SHC2: variants seen among roughly 807,000 people sequenced by gnomAD.
SHC2 encodes the protein SHC adaptor protein 2.
In SHC2, 62 loss-of-function variants were observed where a neutral mutation model predicts 60.6. The observed-to-expected ratio is 1.02, with a 90% CI of 0.83 to 1.26. The LOEUF is 1.26. Ranked by LOEUF, SHC2 falls within the 50% of genes most tolerant of loss-of-function variation. The pLI, the probability that SHC2 is intolerant of heterozygous loss-of-function variation, is 0.00. For synonymous variants in SHC2, 375 were observed against 372.4 expected, an observed-to-expected ratio of 1.01 and a Z score of -0.08; for missense variants, 873 against 822.2, an observed-to-expected ratio of 1.06 and a Z score of -0.76.
chr19:439,018 GT>G lies in SHC2; in HGVS notation c.551del (p.Asn184ThrfsTer37). ...CGCCAGGCACGGCCTCATGGAGCCG[GT>G]TGATGGCTTCCCTGGGGTTGGGAGG... Reference protein sequence around the residue: ...TRTQVTREAINRLHEAVPGVR... With the variant: ...TRTQVTREAIXRLHEAVPGVR... On this transcript the variant is annotated frameshift_variant, in exon 3 of 13. Transcript: ENST00000264554. LOFTEE classifies it high-confidence loss of function. 1 of 1,565,168 alleles carries G rather than the reference GT, an allele frequency of 6.4e-7. No homozygotes were observed. The highest frequency in any genetic ancestry group is 8.7e-7 in the Non-Finnish European group (1 of 1,153,006).
chr19:427,245 C>G (rs1974438674), intron 9 of SHC2, among the ~76,000 whole-genome samples: 1 of 152,210 alleles, frequency 6.6e-6, no homozygotes, highest in African/African-American at 2.4e-5. Flanking sequence ...CAGCCGCAGG[C>G]GGGGCTGGTG....
rs543161521 is a variant in SHC2, at chr19:453,707, G to A, written c.468+6822C>T. 1.3e-5 allele frequency among the ~76,000 whole-genome samples: 2 copies of A among 152,180 alleles called. No homozygotes were observed. The highest frequency in any genetic ancestry group is 6.5e-5 in the Admixed American group (1 of 15,276). On this transcript the variant is annotated intron_variant, in intron 1 of 12. Transcript: ENST00000264554. The surrounding 1 kb of genome is among the most constrained non-coding windows in gnomAD (Gnocchi z 6.3). ...CTCCAGCACCCTCTCACAACTCCCC[G>A]CACCTCCCAGCTTAAGGGACCCGCG...
At chr19:418,358 C>T (rs1056141942) in intron 12 of SHC2, among the ~76,000 whole-genome samples, 2 of 152,250 alleles carry the variant, frequency 1.3e-5, no homozygotes, top group Non-Finnish European at 2.9e-5. Flanking sequence ...CATGGCTGCA[C>T]GCTGCCACCC....
At chr19:419,110 A>G in intron 11 of SHC2, 54 bp from the exon 12 acceptor site, 1 of 1,521,752 alleles carries the variant, frequency 6.6e-7, no homozygotes, top group Non-Finnish European at 8.9e-7. Flanking sequence ...GGACCCGTGG[A>G]GTAGGATATT....
At chr19:420,178 A>G (rs1395569721) in intron 11 of SHC2, among the ~76,000 whole-genome samples, 1 of 152,236 alleles carries the variant, frequency 6.6e-6, no homozygotes, top group Non-Finnish European at 1.5e-5. Context: ...GAACTGAGGT[A>G]TCACACACCA....
At chr19:443,054 GGTGGATGA>G (rs199639627) in intron 1 of SHC2, among the ~76,000 whole-genome samples, 1 of 147,520 alleles carries the variant, frequency 6.8e-6, no homozygotes, top group African/African-American at 2.5e-5. Context: ...TGGACGGGTG[GGTGGATGA>G]GTGGATGGGT....
Position 438,902 on chromosome 19 carries a change from T to TGGCC in SHC2, c.600+64_601-66dup. 1 of 1,553,286 alleles carries TGGCC rather than the reference T, an allele frequency of 6.4e-7. No individual in the cohort carries two copies. The highest frequency in any genetic ancestry group is 2.4e-5 in the East Asian group (1 of 41,422). On this transcript the variant is annotated intron_variant, in intron 3 of 12. Coordinates refer to ENST00000264554, the MANE Select transcript of SHC2 (RefSeq NM_012435.3). This position sits in a 1 kb window ranked among gnomAD's most constrained non-coding sequence, Gnocchi z 5.0. ...GGGGGCTGTCGAGGGGCTCCCAGGA[T>TGGCC]GGCCGCAGCGTCCCCACAGCCCCCG...
intron 4 of SHC2, 102 bp from the exon 5 acceptor site, chr19:436,785 G>A: frequency 8.8e-7 from 1 of 1,135,248 alleles, no homozygotes; most frequent in Non-Finnish European, 1.3e-6. Flanking sequence ...GCAGGGGCAG[G>A]GATGTGGGGA....
chr19:418,915 C>T lies in SHC2; in HGVS notation c.*5+8G>A, dbSNP rs371683432. ...CAAGGCCAGCGACCCACGGCGGCAGCCACACACCTGGCTCAGGGCTCCCGT... is the reference window on the plus strand; with the variant it reads ...CAAGGCCAGCGACCCACGGCGGCAGTCACACACCTGGCTCAGGGCTCCCGT... On this transcript the variant is annotated splice_region_variant and intron_variant, in intron 12 of 12. Transcript: ENST00000264554. 6.3e-7 allele frequency: 1 copy of T among 1,580,630 alleles called. No individual in the cohort carries two copies.
intron 9 of SHC2, among the ~76,000 whole-genome samples, chr19:428,425 G>T (rs938322506): frequency 6.6e-6 from 1 of 152,338 alleles, no homozygotes; most frequent in South Asian, 2.1e-4. Flanking sequence ...GGACCAGGGC[G>T]TGAGTGGAAT....
chr19:438,705 AG>A lies in SHC2; in HGVS notation c.720+12del. ...GGGGGTCTGGGGACGCCAGGCGAAGAGGGCAGACCCACCTGGCGCGTGGCAG... is the reference window on the plus strand; with the variant it reads ...GGGGGTCTGGGGACGCCAGGCGAAGAGGCAGACCCACCTGGCGCGTGGCAG... On this transcript the variant is annotated intron_variant, in intron 4 of 12. Transcript: ENST00000264554. The surrounding 1 kb of genome is among the most constrained non-coding windows in gnomAD (Gnocchi z 5.0). The A allele has an allele frequency of 6.5e-7, 1 of 1,548,858 alleles. No homozygotes were observed. Among genetic ancestry groups the A allele is most frequent in the Non-Finnish European group, 8.7e-7 (1 of 1,147,062 alleles).
chr19:460,563 C>G lies in SHC2; in HGVS notation c.434G>C (p.Arg145Thr). 1 of 1,417,342 alleles carries G rather than the reference C, an allele frequency of 7.1e-7. No homozygotes were observed. Among genetic ancestry groups the G allele is most frequent in the Non-Finnish European group, 9.3e-7 (1 of 1,080,006 alleles). The allele number at this position is 1,417,342 out of a possible 1,614,324, so 87.8% of individuals were successfully genotyped here. The part of the protein sequence containing the change: ...PAHGWLHPDA[R>T]VLGPGVSYVV... ...GTAGGAGACCCCGGGCCCCAGGACCCTGGCGTCGGGGTGTAGCCAGCCGTG... is the reference window on the plus strand; with the variant it reads ...GTAGGAGACCCCGGGCCCCAGGACCGTGGCGTCGGGGTGTAGCCAGCCGTG... Residue 145 changes from arginine (R) to threonine (T), a missense_variant, in exon 1 of 13, where the codon AGG (arginine) becomes ACG (threonine). By Grantham distance (71) the Arg-to-Thr change is moderately conservative (BLOSUM62 -1). Coordinates refer to ENST00000264554, the MANE Select transcript of SHC2 (RefSeq NM_012435.3).
intron 9 of SHC2, among the ~76,000 whole-genome samples, chr19:426,889 C>T (rs1158918969): frequency 6.6e-6 from 1 of 151,786 alleles, no homozygotes; most frequent in Non-Finnish European, 1.5e-5. Flanking sequence ...CAGTGCGAGA[C>T]GCAGGCGGGT....
chr19:443,810 GTGGA>G (rs1974979150), intron 1 of SHC2, among the ~76,000 whole-genome samples: 1 of 127,690 alleles, frequency 7.8e-6, no homozygotes, highest in South Asian at 3.0e-4. Flanking sequence ...GGATGAATAG[GTGGA>G]TGGATGGGTG....
intron 1 of SHC2, among the ~76,000 whole-genome samples, chr19:448,069 C>T (rs574621683): frequency 3.3e-5 from 5 of 152,322 alleles, no homozygotes; most frequent in South Asian, 2.1e-4. Flanking sequence ...GAAACGTGCA[C>T]GGCCTGGCCT....
Position 438,140 on chromosome 19 carries a change from C to T in SHC2, c.720+578G>A, listed in dbSNP as rs1050514897. 6.6e-6 allele frequency among the ~76,000 whole-genome samples: 1 copy of T among 152,096 alleles called. No individual in the cohort carries two copies. The highest frequency in any genetic ancestry group is 2.4e-5 in the African/African-American group (1 of 41,406). ...CTGGGATTACAGGCGCCCACCACCACACCCGGCTAATCTTTGTATTTTTTG... is the reference window on the plus strand; with the variant it reads ...CTGGGATTACAGGCGCCCACCACCATACCCGGCTAATCTTTGTATTTTTTG... On this transcript the variant is annotated intron_variant, in intron 4 of 12. Transcript: ENST00000264554. This position sits in a 1 kb window ranked among gnomAD's most constrained non-coding sequence, Gnocchi z 5.0.
At chr19:456,966 A>ACCC (rs1391793072) in intron 1 of SHC2, among the ~76,000 whole-genome samples, 3 of 119,736 alleles carry the variant, frequency 2.5e-5, no homozygotes, top group Non-Finnish European at 4.9e-5. Context: ...CTGTCTGTAA[A>ACCC]CTCCACAGTC....
intron 10 of SHC2, among the ~76,000 whole-genome samples, chr19:423,180 G>A (rs995946891): frequency 1.9e-5 from 2 of 105,690 alleles, no homozygotes; most frequent in African/African-American, 7.6e-5. Flanking sequence ...CCTGGTCCTG[G>A]GGGGTCCTCC....
At position 440,419 on chromosome 19, in the gene SHC2, AAAAG is replaced by A. The variant is rs1446460247; in HGVS notation, c.539+439_539+442del. 1.3e-5 allele frequency among the ~76,000 whole-genome samples: 2 copies of A among 152,112 alleles called. No individual in the cohort carries two copies. ...TGGAATCAACCAGTTTTCACAGAAA[AAAAG>A]GGTGTCGCTCTCTTCCCTGCTTAAG... is the stretch of plus-strand genomic sequence containing the variant. On this transcript the variant is annotated intron_variant, in intron 2 of 12. Coordinates refer to ENST00000264554, the MANE Select transcript of SHC2 (RefSeq NM_012435.3). The surrounding 1 kb of genome is among the most constrained non-coding windows in gnomAD (Gnocchi z 7.0).
Sources: allele counts gnomAD v4.1 joint callset (sites outside exome capture counted in the v4.1 genomes callset), GRCh38; gene constraint gnomAD v4.1.1; non-coding constraint Gnocchi (gnomAD v3.1); transcripts MANE v1.5; gene names NCBI Gene and HGNC (gene_info 2026-07-23, HGNC 2026-07-21).